Variants in ZC4H2 observed in about 807,000 individuals in gnomAD.
The protein encoded by ZC4H2 is zinc finger C4H2-type containing, also known as zinc finger C4H2 domain-containing protein.
For missense variants in ZC4H2, 137 were observed against 173.9 expected (o/e 0.79, Z 1.19); for synonymous variants, 84 against 66.3 (o/e 1.27, Z -1.30).
At chrX:64,931,262 AAC>A (rs1457122176) in intron 1 of ZC4H2, among the ~76,000 whole-genome samples, 1 of 111,795 alleles carries the variant, frequency 8.9e-6, no homozygotes, top group Admixed American at 9.5e-5. Flanking sequence ...TAATCTCACT[AAC>A]AGTCTATCAA....
At chrX:64,952,851 C>A (rs1056195621) in intron 1 of ZC4H2, among the ~76,000 whole-genome samples, 1 of 110,993 alleles carries the variant, frequency 9.0e-6, no homozygotes, top group African/African-American at 3.3e-5. Context: ...CAAAAAAGAG[C>A]CCTCATTGCC....
At chrX:64,957,912 G>A (rs1194825257) in intron 1 of ZC4H2, among the ~76,000 whole-genome samples, 1 of 110,853 alleles carries the variant, frequency 9.0e-6, no homozygotes, top group East Asian at 2.8e-4. Flanking sequence ...ACACATATTA[G>A]CCTAGGCCTA....
At position 64,947,459 on chromosome X, in the gene ZC4H2, GCTAAA is replaced by G. The variant is rs775188290; in HGVS notation, c.54-25476_54-25472del. On this transcript the variant is annotated intron_variant, in intron 1 of 4. Transcript: ENST00000374839. ...AGCTATAGTTAGACTGTATACCTAG[GCTAAA>G]CTAAATTTATCTTTAAAAATGTCTT... Among the ~76,000 whole-genome samples the G allele has an allele frequency of 4.6e-4, 52 of 112,216 alleles. No homozygotes were observed. In the East Asian group the frequency reaches 0.014, roughly 31 times the overall value.
intron 1 of ZC4H2, among the ~76,000 whole-genome samples, chrX:64,954,402 ATGCTCAAAAAT>A (rs1931068552): frequency 1.2e-5 from 1 of 85,419 alleles, no homozygotes; most frequent in African/African-American, 5.5e-5. Flanking sequence ...ATATATATAT[ATGCTCAAAAAT>A]TGTATTGGAT....
At chrX:65,019,772 G>A (rs184683630) in intron 1 of ZC4H2, among the ~76,000 whole-genome samples, 59 of 112,042 alleles carry the variant, frequency 5.3e-4, no homozygotes, top group Middle Eastern at 4.6e-3. Flanking sequence ...CCAATGCAAG[G>A]AAGCTAAGAT....
rs6624134 is a variant in ZC4H2, at chrX:64,954,685, G to C, written c.53+21640C>G. On this transcript the variant is annotated intron_variant, in intron 1 of 4. Coordinates refer to ENST00000374839, the MANE Select transcript of ZC4H2 (RefSeq NM_018684.4). ...CCCTGAAAATCACTCTTCAATACAG[G>C]TTTCTATAAAATCATATCATTTGGA... 1.3e-4 allele frequency among the ~76,000 whole-genome samples: 14 copies of C among 108,024 alleles called. No individual in the cohort carries two copies. The East Asian group carries it at 4.0e-3, about 31-fold the overall frequency. The allele number at this position is 108,024 out of a possible 115,157, so 93.8% of individuals were successfully genotyped here. A position where few individuals can be genotyped will look rare whatever the true frequency, so the allele number is the denominator to read the frequency against.
upstream of ZC4H2, among the ~76,000 whole-genome samples, chrX:64,978,086 G>A (rs762766161): frequency 9.0e-6 from 1 of 111,342 alleles, no homozygotes; most frequent in South Asian, 3.8e-4. Flanking sequence ...TTGAGCTTCA[G>A]TTTCCTCATC....
At chrX:64,933,970 G>T (rs1929871711) in intron 1 of ZC4H2, among the ~76,000 whole-genome samples, 1 of 111,342 alleles carries the variant, frequency 9.0e-6, no homozygotes, top group African/African-American at 3.3e-5. Context: ...ATGTGCTGAG[G>T]TTTTATAAGG....
intron 1 of ZC4H2, among the ~76,000 whole-genome samples, chrX:65,025,516 A>T (rs1932871963): frequency 9.0e-6 from 1 of 111,528 alleles, no homozygotes; most frequent in South Asian, 3.8e-4. Context: ...CCACAACAAG[A>T]TGTGATCTGT....
At chrX:64,976,458 T>C, upstream of ZC4H2, 2 of 1,049,096 alleles carry the variant, frequency 1.9e-6, no homozygotes, top group Non-Finnish European at 2.7e-6. Context: ...TGTAGCCACC[T>C]CCTCCGGGCT....
chrX:64,985,327 C>T (rs951426417), intron 1 of ZC4H2, among the ~76,000 whole-genome samples: 5 of 111,674 alleles, frequency 4.5e-5, no homozygotes, highest in African/African-American at 1.6e-4. Context: ...AGTGTATGAC[C>T]GTTCCCTTTT....
intron 1 of ZC4H2, among the ~76,000 whole-genome samples, chrX:64,936,736 C>T (rs1222432983): frequency 1.8e-5 from 2 of 111,732 alleles, no homozygotes; most frequent in Non-Finnish European, 3.8e-5. Flanking sequence ...GAGATTCTGT[C>T]ACCACCAGGC....
intron 1 of ZC4H2, among the ~76,000 whole-genome samples, chrX:64,941,667 TTG>T (rs1444352170): frequency 2.7e-5 from 3 of 112,534 alleles, no homozygotes; most frequent in African/African-American, 9.7e-5. Flanking sequence ...GTTTTTGTCA[TTG>T]TTTCTGTTTA....
chrX:64,946,515 A>G (rs1462079427), intron 1 of ZC4H2, among the ~76,000 whole-genome samples: 1 of 109,051 alleles, frequency 9.2e-6, no homozygotes, highest in Non-Finnish European at 1.9e-5. Context: ...TCTTGCTGGG[A>G]ACTGCAGATC....
chrX:64,971,382 T>C (rs759808052), intron 1 of ZC4H2, among the ~76,000 whole-genome samples: 5 of 111,866 alleles, frequency 4.5e-5, no homozygotes, highest in South Asian at 3.7e-4. Flanking sequence ...AGGCCTGAAA[T>C]GGAGCAGTGA....
intron 1 of ZC4H2, among the ~76,000 whole-genome samples, chrX:65,002,433 C>A (rs1273641157): frequency 9.3e-6 from 1 of 108,017 alleles, no homozygotes; most frequent in Non-Finnish European, 1.9e-5. Flanking sequence ...CCGCCCCATC[C>A]GGGAGGTGGG....
chrX:64,952,236 A>G (rs1055062469), intron 1 of ZC4H2, among the ~76,000 whole-genome samples: 1 of 110,080 alleles, frequency 9.1e-6, no homozygotes, highest in Non-Finnish European at 1.9e-5. Flanking sequence ...AGGTAGTGTG[A>G]TGCCTCCAGC....
At chrX:65,021,105 TAGAC>T (rs1224892664) in intron 1 of ZC4H2, among the ~76,000 whole-genome samples, 1 of 110,506 alleles carries the variant, frequency 9.0e-6, no homozygotes, top group Non-Finnish European at 1.9e-5. Flanking sequence ...CTGTCAATAT[TAGAC>T]AGATCAATGA....
chrX:64,973,275 T>A (rs995587998), intron 1 of ZC4H2, among the ~76,000 whole-genome samples: 6 of 110,998 alleles, frequency 5.4e-5, no homozygotes, highest in African/African-American at 2.0e-4. Context: ...GAGCATTTTT[T>A]AAAAATTCAT....
Sources: gnomAD v4.1 joint callset for allele counts (sites outside exome capture counted in the v4.1 genomes callset) on GRCh38, gnomAD v4.1.1 for gene constraint, MANE v1.5 for transcripts, NCBI Gene and HGNC (gene_info 2026-07-23, HGNC 2026-07-21) for gene names.